Variants in TEX12 observed in about 807,000 individuals in gnomAD.
The protein encoded by TEX12 is testis expressed 12.
In TEX12, 7 loss-of-function variants were observed where a neutral mutation model predicts 14.6. That is an observed-to-expected ratio of 0.48 (90% CI 0.27 to 0.90). The LOEUF (loss-of-function observed/expected upper bound fraction) is 0.90, where lower values mean the gene tolerates loss of function less well. Among genes scored for constraint, TEX12 ranks in the 40% least tolerant of loss-of-function variants. The pLI, the probability that TEX12 is intolerant of heterozygous loss-of-function variation, is 0.12. For missense variants in TEX12, 121 were observed against 135.7 expected (o/e 0.89, Z 0.54); for synonymous variants, 57 against 49.1 (o/e 1.16, Z -0.67).
Position 112,172,181 on chromosome 11 carries a change from A to G in TEX12, c.*265A>G, listed in dbSNP as rs1866800226. 1 of 193,708 alleles carries G rather than the reference A, an allele frequency of 5.2e-6. No homozygotes were observed. The highest frequency in any genetic ancestry group is 2.3e-5 in the African/African-American group (1 of 43,128). The allele number at this position is 193,708 out of a possible 1,614,324, so 12.0% of individuals were successfully genotyped here. On this transcript the variant is annotated 3_prime_UTR_variant, in exon 5 of 5. Coordinates refer to ENST00000280358, the MANE Select transcript of TEX12 (RefSeq NM_031275.4). ...GGGTCAAATATTTAGTGCATTTTAT[A>G]GAAGTGTAAATTATTTAAATCTTAT... is the stretch of plus-strand genomic sequence containing the variant.
Position 112,170,545 on chromosome 11 carries a change from G to A in TEX12, c.175+15G>A. 6.3e-7 allele frequency: 1 copy of A among 1,591,466 alleles called. No homozygotes were observed. Among genetic ancestry groups the A allele is most frequent in the South Asian group, 1.1e-5 (1 of 90,342 alleles). ...AGATTTAAATGGTGATGTATAAAATGTTTATATTTCTAAACATCAGTCTTA... is the reference window on the plus strand; with the variant it reads ...AGATTTAAATGGTGATGTATAAAATATTTATATTTCTAAACATCAGTCTTA... On this transcript the variant is annotated intron_variant, in intron 3 of 4. Transcript: ENST00000280358.
chr11:112,171,561 C>T (rs1316556420), intron 4 of TEX12, among the ~76,000 whole-genome samples: 2 of 151,850 alleles, frequency 1.3e-5, no homozygotes, highest in Non-Finnish European at 2.9e-5. Context: ...GTATAAGATA[C>T]ACTTCCTGTT....
intron 2 of TEX12, among the ~76,000 whole-genome samples, chr11:112,170,075 G>A (rs1257247380): frequency 6.6e-6 from 1 of 152,162 alleles, no homozygotes; most frequent in Non-Finnish European, 1.5e-5. Flanking sequence ...AGCTACTCAG[G>A]AGTCTGAGAC....
rs536339497 is a variant in TEX12, at chr11:112,172,023, C to T, written c.*107C>T. The T allele has an allele frequency of 2.4e-6, 2 of 839,036 alleles. No homozygotes were observed. The highest frequency in any genetic ancestry group is 1.7e-6 in the Non-Finnish European group (1 of 602,332). The allele number at this position is 839,036 out of a possible 1,614,324, so 52.0% of individuals were successfully genotyped here. A position where few individuals can be genotyped will look rare whatever the true frequency, so the allele number is the denominator to read the frequency against. On this transcript the variant is annotated 3_prime_UTR_variant, in exon 5 of 5. Coordinates refer to ENST00000280358, the MANE Select transcript of TEX12 (RefSeq NM_031275.4). ...GAGTTGTTAAAGAAAATGTATATCT[C>T]GAATAGAGAAGGGGAAACTCCTTGA...
intron 1 of TEX12, 91 bp from the exon 2 acceptor site, chr11:112,169,159 ACAT>A: frequency 1.3e-6 from 1 of 793,276 alleles, no homozygotes; most frequent in Non-Finnish European, 2.2e-6. Flanking sequence ...GTCTAAATTA[ACAT>A]CAGCAGTAGG....
At chr11:112,170,697 C>G (rs1462000852) in intron 4 of TEX12, 23 bp downstream of exon 4, 1 of 1,578,240 alleles carries the variant, frequency 6.3e-7, no homozygotes, top group Non-Finnish European at 8.7e-7. Flanking sequence ...AGTATATTCT[C>G]TGGGGTCTTT....
intron 1 of TEX12, 97 bp from the exon 2 acceptor site, chr11:112,169,151 CTAAAT>C: frequency 1.3e-6 from 1 of 761,096 alleles, no homozygotes. Flanking sequence ...TAATGACAGT[CTAAAT>C]TAACATCAGC....
chr11:112,171,994 T>C lies in TEX12; in HGVS notation c.*78T>C. ...AGAATGACATTTATGCTTTGAAAGC[T>C]CTCGAGTTGTTAAAGAAAATGTATA... On this transcript the variant is annotated 3_prime_UTR_variant, in exon 5 of 5. Coordinates refer to ENST00000280358, the MANE Select transcript of TEX12 (RefSeq NM_031275.4). The C allele has an allele frequency of 2.6e-6, 3 of 1,157,174 alleles. No individual in the cohort carries two copies. The highest frequency in any genetic ancestry group is 3.4e-6 in the Non-Finnish European group (3 of 873,628). The allele number at this position is 1,157,174 out of a possible 1,614,324, so 71.7% of individuals were successfully genotyped here.
rs575468510 is a variant in TEX12 at position 112,170,287 on chromosome 11, C to G, written c.64-132C>G. 7.3e-6 allele frequency: 4 copies of G among 550,016 alleles called. No individual in the cohort carries two copies. The Admixed American group carries it at 1.4e-4, about 20-fold the overall frequency. 34.1% of individuals were successfully genotyped at this position (550,016 alleles called of 1,614,324 possible). On this transcript the variant is annotated intron_variant, in intron 2 of 4. Transcript: ENST00000280358. Reference sequence around the variant, plus strand: ...TCCTTAATAATAAAAACTCAAATGACTAAGTCATATGCTTTCTAGCATGTT... The same window carrying G: ...TCCTTAATAATAAAAACTCAAATGAGTAAGTCATATGCTTTCTAGCATGTT...
chr11:112,169,299 A>G lies in TEX12; in HGVS notation c.31A>G (p.Asn11Asp), dbSNP rs1196891598. 4 of 1,613,866 alleles carry G rather than the reference A, an allele frequency of 2.5e-6. No individual in the cohort carries two copies. The highest frequency in any genetic ancestry group is 1.3e-5 in the African/African-American group (1 of 74,934). The change falls in exon 2 of 5, where the codon AAT becomes GAT. Residue 11 changes from asparagine (N) to aspartate (D), a missense_variant. Physicochemically the swap from Asn to Asp is conservative, Grantham distance 23. Coordinates refer to ENST00000280358, the MANE Select transcript of TEX12 (RefSeq NM_031275.4). The stretch of plus-strand genomic sequence containing the variant: ...GGCAAATCACCTTGTAAAGCCTGAT[A>G]ATAGAAATTGCAAGAGGCCAAGAGA... MMANHLVKPD[N>D]RNCKRPRELE...
intron 1 of TEX12, among the ~76,000 whole-genome samples, chr11:112,168,366 T>C (rs1866750838): frequency 6.6e-6 from 1 of 152,180 alleles, no homozygotes; most frequent in Non-Finnish European, 1.5e-5. Context: ...GAAGCTACTT[T>C]AAAGTAAGGT....
At chr11:112,170,723 T>A in intron 4 of TEX12, 49 bp downstream of exon 4, 1 of 1,449,214 alleles carries the variant, frequency 6.9e-7, no homozygotes, top group Non-Finnish European at 9.6e-7. Context: ...AGTTTTCTTC[T>A]GGAAACTCTG....
At position 112,172,172 on chromosome 11, in the gene TEX12, G is replaced by C. The variant is rs1282844893; in HGVS notation, c.*256G>C. On this transcript the variant is annotated 3_prime_UTR_variant, in exon 5 of 5. Coordinates refer to ENST00000280358, the MANE Select transcript of TEX12 (RefSeq NM_031275.4). ...TTCTTTTGAGGGTCAAATATTTAGTGCATTTTATAGAAGTGTAAATTATTT... is the reference window on the plus strand; with the variant it reads ...TTCTTTTGAGGGTCAAATATTTAGTCCATTTTATAGAAGTGTAAATTATTT... 1 of 204,248 alleles carries C rather than the reference G, an allele frequency of 4.9e-6. No individual in the cohort carries two copies. The highest frequency in any genetic ancestry group is 9.8e-6 in the Non-Finnish European group (1 of 102,508). The allele number at this position is 204,248 out of a possible 1,614,324, so 12.7% of individuals were successfully genotyped here.
chr11:112,168,859 A>G (rs45551232), intron 1 of TEX12, among the ~76,000 whole-genome samples: 18,129 of 152,220 alleles, frequency 0.12, 1,379 homozygotes, highest in East Asian at 0.39. Context: ...GCCGAAGATA[A>G]AAGAATCTTA....
At chr11:112,170,721 T>C (rs749354799) in intron 4 of TEX12, 47 bp downstream of exon 4, 8 of 1,444,870 alleles carry the variant, frequency 5.5e-6, no homozygotes, top group Non-Finnish European at 6.7e-6. Context: ...TTAGTTTTCT[T>C]CTGGAAACTC....
intron 1 of TEX12, among the ~76,000 whole-genome samples, chr11:112,168,015 A>G (rs1446519487): frequency 6.6e-6 from 1 of 152,188 alleles, no homozygotes; most frequent in Non-Finnish European, 1.5e-5. Flanking sequence ...TATTTTCTAG[A>G]TACTATTAAT....
At chr11:112,168,848 G>T (rs1433153444) in intron 1 of TEX12, among the ~76,000 whole-genome samples, 1 of 152,096 alleles carries the variant, frequency 6.6e-6, no homozygotes, top group Non-Finnish European at 1.5e-5. Context: ...CAGCGCGCCC[G>T]GCCGAAGATA....
chr11:112,168,902 CAG>C (rs1308426887), intron 1 of TEX12, among the ~76,000 whole-genome samples: 4 of 152,102 alleles, frequency 2.6e-5, no homozygotes, highest in African/African-American at 9.7e-5. Flanking sequence ...GCAGAATTGC[CAG>C]AGAGACTCAT....
intron 1 of TEX12, among the ~76,000 whole-genome samples, chr11:112,168,916 T>A (rs1398107972): frequency 6.6e-6 from 1 of 152,246 alleles, no homozygotes; most frequent in Admixed American, 6.5e-5. Flanking sequence ...GAGACTCATT[T>A]GGCTAAGTAC....
Sources: gnomAD v4.1 joint callset for allele counts (sites outside exome capture counted in the v4.1 genomes callset) on GRCh38, gnomAD v4.1.1 for gene constraint, MANE v1.5 for transcripts, NCBI Gene and HGNC (gene_info 2026-07-23, HGNC 2026-07-21) for gene names.